The following PDZD9 variants were observed in gnomAD, a reference collection of about 807,000 sequenced individuals.
PDZD9 encodes the protein PDZ domain containing 9.
PDZD9 carries 13 observed loss-of-function variants against 16.3 expected under a neutral mutation model. The ratio of observed to expected loss-of-function variants is 0.80; its 90% CI spans 0.52 to 1.27. The LOEUF (loss-of-function observed/expected upper bound fraction) is 1.27. Ranked by LOEUF, PDZD9 falls within the 50% of genes most tolerant of loss-of-function variation. The pLI is 0.00. For missense variants in PDZD9, 288 were observed against 310.9 expected (o/e 0.93, Z 0.55); for synonymous variants, 120 against 111.0 (o/e 1.08, Z -0.51).
chr16:21,988,003 C>CTTTTTTTTTTTTTTTTTTTTTTTTTT (rs773101505), intron 3 of PDZD9, among the ~76,000 whole-genome samples: 2 of 100,724 alleles, frequency 2.0e-5, no homozygotes, highest in African/African-American at 3.9e-5. Flanking sequence ...GCAAGAAGCA[C>CTTTTTTTTTTTTTTTTTTTTTTTTTT]TTTTTTTTTT....
chr16:21,957,580 C>G, the PDZD9 span: 11 of 1,612,432 alleles, frequency 6.8e-6, no homozygotes, highest in South Asian at 1.1e-5. Flanking sequence ...AGTATCTTCA[C>G]TTCCTCAAGT....
chr16:21,974,113 T>C, the PDZD9 span: 4 of 718,312 alleles, frequency 5.6e-6, no homozygotes, highest in South Asian at 2.1e-5. Flanking sequence ...TATGATGTCA[T>C]TGAAGCATTA....
the PDZD9 span, chr16:21,957,666 G>A: frequency 1.1e-5 from 16 of 1,454,888 alleles, no homozygotes; most frequent in East Asian, 9.6e-5. Context: ...TTGATTCCTT[G>A]ACCTGCCATA....
chr16:21,965,652 C>G, the PDZD9 span: 1 of 598,384 alleles, frequency 1.7e-6, no homozygotes. Context: ...TGCTTTTTAA[C>G]TAAAATTTTA....
At chr16:21,965,918 A>T in the PDZD9 span, among the ~76,000 whole-genome samples, 1 of 152,056 alleles carries the variant, frequency 6.6e-6, no homozygotes, top group Admixed American at 6.5e-5. Flanking sequence ...TCTTAAGCTC[A>T]AGCAGTCCTT....
downstream of PDZD9, among the ~76,000 whole-genome samples, chr16:21,979,270 C>T (rs908286385): frequency 6.6e-6 from 1 of 152,212 alleles, no homozygotes; most frequent in African/African-American, 2.4e-5. Context: ...ACAATATACA[C>T]TGTCCCCAAC....
chr16:21,995,224 C>G (rs1279967441), intron 2 of PDZD9: 1 of 458,386 alleles, frequency 2.2e-6, no homozygotes, highest in Non-Finnish European at 4.4e-6. Flanking sequence ...CCGCTCCAAC[C>G]ATGTAAGACA....
At chr16:21,983,568 G>T (rs1898789291), downstream of PDZD9, 1 of 239,468 alleles carries the variant, frequency 4.2e-6, no homozygotes, top group Non-Finnish European at 7.9e-6. Context: ...GTCATTTTGG[G>T]TGTCAACAGC....
chr16:21,980,418 G>A (rs558436143), downstream of PDZD9: 1 of 944,930 alleles, frequency 1.1e-6, no homozygotes, highest in East Asian at 2.5e-5. Flanking sequence ...GGGAATTCAG[G>A]AAGAGGGAGA....
At chr16:21,958,543 AG>A in the PDZD9 span, 1 of 1,612,296 alleles carries the variant, frequency 6.2e-7, no homozygotes, top group African/African-American at 1.3e-5. Context: ...AGACGACAAA[AG>A]GAGCTTCATC....
the PDZD9 span, among the ~76,000 whole-genome samples, chr16:21,975,848 T>G: frequency 6.6e-6 from 1 of 152,174 alleles, no homozygotes; most frequent in Admixed American, 6.5e-5. Flanking sequence ...CCCAACACTT[T>G]GGGAGGTTAA....
At chr16:21,973,822 TAGGCAAAC>T in the PDZD9 span, 1 of 1,424,870 alleles carries the variant, frequency 7.0e-7, no homozygotes, top group East Asian at 2.3e-5. Context: ...AAGTTTTTTC[TAGGCAAAC>T]TTAAAGAAAT....
At chr16:21,966,082 G>A in the PDZD9 span, among the ~76,000 whole-genome samples, 1 of 151,138 alleles carries the variant, frequency 6.6e-6, no homozygotes, top group Non-Finnish European at 1.5e-5. Context: ...GGGAGGCCAA[G>A]ACAGAGGGAT....
At chr16:21,973,262 AG>A in the PDZD9 span, among the ~76,000 whole-genome samples, 1 of 152,222 alleles carries the variant, frequency 6.6e-6, no homozygotes, top group Admixed American at 6.5e-5. Flanking sequence ...CTGAGTCAGT[AG>A]GTCCATTTTG....
intron 3 of PDZD9, among the ~76,000 whole-genome samples, chr16:21,987,415 C>T (rs914568743): frequency 6.6e-6 from 1 of 151,714 alleles, no homozygotes; most frequent in Non-Finnish European, 1.5e-5. Flanking sequence ...AGCAAAACCT[C>T]GTCTCCAAGA....
chr16:21,988,003 C>CTTTTT (rs773101505), intron 3 of PDZD9, among the ~76,000 whole-genome samples: 13 of 100,720 alleles, frequency 1.3e-4, no homozygotes, highest in Non-Finnish European at 1.7e-4. Context: ...GCAAGAAGCA[C>CTTTTT]TTTTTTTTTT....
At chr16:21,988,475 C>T (rs932754080) in intron 3 of PDZD9, 127 bp downstream of exon 3, 10 of 767,088 alleles carry the variant, frequency 1.3e-5, no homozygotes, top group Non-Finnish European at 2.0e-6. Flanking sequence ...GGAAATTACT[C>T]TGACAGTGTC....
At chr16:21,977,479 CA>C in the PDZD9 span, among the ~76,000 whole-genome samples, 1 of 151,996 alleles carries the variant, frequency 6.6e-6, no homozygotes, top group Non-Finnish European at 1.5e-5. Flanking sequence ...AATTTATACC[CA>C]AAAAAGATCT....
intron 1 of PDZD9, among the ~76,000 whole-genome samples, chr16:21,996,841 C>T (rs1374683055): frequency 6.6e-6 from 1 of 152,110 alleles, no homozygotes; most frequent in Non-Finnish European, 1.5e-5. Context: ...TTGGTTTTAA[C>T]AGACAATGTC....
Sources: gnomAD v4.1 joint callset for allele counts (sites outside exome capture counted in the v4.1 genomes callset) on GRCh38, gnomAD v4.1.1 for gene constraint, MANE v1.5 for transcripts, NCBI Gene and HGNC (gene_info 2026-07-23, HGNC 2026-07-21) for gene names.